Variants in CRISP1 observed in about 807,000 individuals in gnomAD.
CRISP1 encodes cysteine rich secretory protein 1, also known as cysteine-rich secretory protein 1.
In CRISP1, 44 loss-of-function variants were observed where a neutral mutation model predicts 33.1. That is an observed-to-expected ratio of 1.33 (90% CI 1.05 to 1.71). The LOEUF (loss-of-function observed/expected upper bound fraction) is 1.71. Ranked by LOEUF, CRISP1 falls within the 40% of genes most tolerant of loss-of-function variation. CRISP1 has a pLI of 0.00. For missense variants in CRISP1, 390 were observed against 301.2 expected (o/e 1.29, Z -2.18); for synonymous variants, 103 against 98.7 (o/e 1.04, Z -0.26).
In CRISP1 at chr6:49,840,888, T is replaced by C; in HGVS notation, c.533+10A>G. On this transcript the variant is annotated intron_variant, in intron 6 of 7. Transcript: ENST00000335847. ...GGGGGATATATATTTTAAAAACTAATAATACATACTCATGACAATAGTGAC... is the reference window on the plus strand; with the variant it reads ...GGGGGATATATATTTTAAAAACTAACAATACATACTCATGACAATAGTGAC... The C allele has an allele frequency of 6.2e-7, 1 of 1,602,834 alleles. No homozygotes were observed. Among genetic ancestry groups the C allele is most frequent in the Non-Finnish European group, 8.5e-7 (1 of 1,171,274 alleles).
At position 49,848,167 on chromosome 6, in the gene CRISP1, T is replaced by TG. The variant is rs768477369; in HGVS notation, c.286+41_286+42insC. ...AACAATCCCTGTTTTACTATTTTTT[T>TG]TTTTTTTAGTCCAAAGGCGGGTCAT... On this transcript the variant is annotated intron_variant, in intron 4 of 7. Transcript: ENST00000335847. The TG allele has an allele frequency of 2.6e-6, 3 of 1,134,682 alleles. No homozygotes were observed. The South Asian group carries it at 4.2e-5, about 16-fold the overall frequency. The allele number at this position is 1,134,682 out of a possible 1,614,324, so 70.3% of individuals were successfully genotyped here.
rs1188348240 is a variant in CRISP1, at chr6:49,840,542, A to C, written c.533+356T>G. On this transcript the variant is annotated intron_variant, in intron 6 of 7. Transcript: ENST00000335847. Reference sequence around the variant, plus strand: ...GTAAATGTCCTTGTTTCTTTGCTTAATCAAATTTGTTTCTCTTATATAATA... The same window carrying C: ...GTAAATGTCCTTGTTTCTTTGCTTACTCAAATTTGTTTCTCTTATATAATA... Among the ~76,000 whole-genome samples, 4 of 152,200 alleles carry C rather than the reference A, an allele frequency of 2.6e-5. 1 individual carries two copies. Among genetic ancestry groups the C allele is most frequent in the Admixed American group, 2.6e-4 (4 of 15,266 alleles).
chr6:49,871,428 G>A (rs1290029153), upstream of CRISP1, among the ~76,000 whole-genome samples: 3 of 152,108 alleles, frequency 2.0e-5, no homozygotes, highest in Non-Finnish European at 2.9e-5. Context: ...CTCAGCGAAA[G>A]TCAAAGCCAA....
At chr6:49,848,341 T>G in intron 3 of CRISP1, 42 bp from the exon 4 acceptor site, 2 of 1,142,224 alleles carry the variant, frequency 1.8e-6, no homozygotes, top group Non-Finnish European at 2.5e-6. Flanking sequence ...CCAATTAATA[T>G]TTTCATAAGA....
At chr6:49,840,563 T>A (rs1770951278) in intron 6 of CRISP1, among the ~76,000 whole-genome samples, 1 of 152,204 alleles carries the variant, frequency 6.6e-6, no homozygotes, top group Non-Finnish European at 1.5e-5. Context: ...TTCTCTTATA[T>A]AATAATTACC....
At chr6:49,842,346 AT>A (rs1243128967) in intron 5 of CRISP1, among the ~76,000 whole-genome samples, 2 of 152,172 alleles carry the variant, frequency 1.3e-5, no homozygotes, top group Non-Finnish European at 2.9e-5. Flanking sequence ...CTGAACATCT[AT>A]TTTGCTATGT....
At chr6:49,860,233 A>T (rs1771609384) in intron 1 of CRISP1, among the ~76,000 whole-genome samples, 1 of 152,192 alleles carries the variant, frequency 6.6e-6, no homozygotes, top group Non-Finnish European at 1.5e-5. Context: ...ATTAACAAAG[A>T]AACATTGGAT....
chr6:49,872,165 T>A (rs1479880494), intron 1 of CRISP1, among the ~76,000 whole-genome samples: 1 of 152,238 alleles, frequency 6.6e-6, no homozygotes, highest in African/African-American at 2.4e-5. Flanking sequence ...GATGAGCATT[T>A]TTTCATGTGT....
intron 4 of CRISP1, 56 bp downstream of exon 4, chr6:49,848,153 T>G: frequency 9.7e-7 from 1 of 1,028,424 alleles, no homozygotes; most frequent in Non-Finnish European, 1.4e-6. Context: ...ACAATCCCTG[T>G]TTTACTATTT....
At chr6:49,845,126 A>G (rs7743320) in intron 5 of CRISP1, among the ~76,000 whole-genome samples, 1 of 152,108 alleles carries the variant, frequency 6.6e-6, no homozygotes, top group Middle Eastern at 3.4e-3. Flanking sequence ...CATCCAGTGT[A>G]GCTGTATCTG....
chr6:49,840,415 C>A (rs909312297), intron 6 of CRISP1, among the ~76,000 whole-genome samples: 4 of 152,152 alleles, frequency 2.6e-5, no homozygotes, highest in Admixed American at 2.6e-4. Context: ...GACTAGATAG[C>A]TAAATACAGG....
chr6:49,852,163 C>A (rs1231442948), intron 2 of CRISP1, 34 bp from the exon 3 acceptor site: 18 of 1,597,006 alleles, frequency 1.1e-5, no homozygotes, highest in Non-Finnish European at 1.4e-5. Context: ...AGTGTTACTT[C>A]TTTTAAGTGG....
At chr6:49,855,442 A>ATTT (rs61621803) in intron 2 of CRISP1, among the ~76,000 whole-genome samples, 36 of 146,022 alleles carry the variant, frequency 2.5e-4, no homozygotes, top group South Asian at 8.8e-4. Context: ...CTTATCTCTG[A>ATTT]TTTTTTTTTT....
At chr6:49,869,272 T>A (rs1034364501), upstream of CRISP1, among the ~76,000 whole-genome samples, 3 of 152,156 alleles carry the variant, frequency 2.0e-5, no homozygotes, top group African/African-American at 7.2e-5. Context: ...TGGTGCTGTT[T>A]GTTGGTGCGA....
upstream of CRISP1, among the ~76,000 whole-genome samples, chr6:49,869,241 T>G (rs547575913): frequency 2.1e-4 from 32 of 152,268 alleles, no homozygotes; most frequent in South Asian, 5.8e-3. Context: ...CCAAATTGAT[T>G]TACTTATATG....
intron 7 of CRISP1, among the ~76,000 whole-genome samples, chr6:49,837,089 ATAAG>A (rs1021755882): frequency 2.0e-5 from 3 of 152,000 alleles, no homozygotes; most frequent in African/African-American, 7.2e-5. Flanking sequence ...TCCTAATATT[ATAAG>A]TAAGAATTAT....
chr6:49,841,232 A>G (rs977006749), intron 5 of CRISP1, among the ~76,000 whole-genome samples: 2 of 152,142 alleles, frequency 1.3e-5, no homozygotes, highest in African/African-American at 4.8e-5. Context: ...GCTGACGGGG[A>G]GGATGACTTG....
chr6:49,842,812 T>A (rs1451395617), intron 5 of CRISP1, among the ~76,000 whole-genome samples: 1 of 152,122 alleles, frequency 6.6e-6, no homozygotes, highest in Non-Finnish European at 1.5e-5. Context: ...CAGATCTGGG[T>A]TCTAGTCCTA....
At chr6:49,847,510 C>T (rs1423948563) in intron 4 of CRISP1, among the ~76,000 whole-genome samples, 1 of 152,072 alleles carries the variant, frequency 6.6e-6, no homozygotes, top group Non-Finnish European at 1.5e-5. Flanking sequence ...ACTTGCTCCC[C>T]CTTCACCTTC....
Sources: gnomAD v4.1 joint callset for allele counts (sites outside exome capture counted in the v4.1 genomes callset) on GRCh38, gnomAD v4.1.1 for gene constraint, MANE v1.5 for transcripts, NCBI Gene and HGNC (gene_info 2026-07-23, HGNC 2026-07-21) for gene names.